SYNE1: variants seen among roughly 807,000 people sequenced by gnomAD.
SYNE1 encodes nesprin-1.
SYNE1 carries 616 observed loss-of-function variants against 1,111.0 expected under a neutral mutation model. That is an observed-to-expected ratio of 0.55 (90% CI 0.52 to 0.59). The LOEUF is 0.59. Among genes scored for constraint, SYNE1 ranks in the 20% least tolerant of loss-of-function variants. The pLI is 0.00. For missense variants in SYNE1, 10,006 were observed against 10,417.0 expected, an observed-to-expected ratio of 0.96 and a Z score of 1.72; for synonymous variants, 3,855 against 3,825.8, an observed-to-expected ratio of 1.01 and a Z score of -0.28.
chr6:152,141,337 G>T lies in SYNE1; in HGVS notation c.25120-8C>A, dbSNP rs748716174. On this transcript the variant is annotated splice_polypyrimidine_tract_variant and splice_region_variant and intron_variant, in intron 138 of 145. Transcript: ENST00000367255. The stretch of plus-strand genomic sequence containing the variant: ...TTCGCCCAGCAGTTTCATCTGTTTA[G>T]ACATAAACAACCGGCCCCTGTCACC... The T allele has an allele frequency of 1.2e-6, 2 of 1,613,468 alleles. No individual in the cohort carries two copies. The highest frequency in any genetic ancestry group is 1.7e-6 in the Non-Finnish European group (2 of 1,179,856).
chr6:152,596,339 C>A (rs1429893342), intron 3 of SYNE1, among the ~76,000 whole-genome samples: 2 of 149,648 alleles, frequency 1.3e-5, no homozygotes, highest in Non-Finnish European at 3.0e-5. Context: ...GAAACCTTCA[C>A]CTCCCAGAGG....
In SYNE1 at chr6:152,193,254, C is replaced by T. The variant is rs73003223; in HGVS notation, c.23146-3847G>A. Among the ~76,000 whole-genome samples, 1,394 of 152,010 alleles carry T rather than the reference C, an allele frequency of 9.2e-3. 24 individuals are homozygous for T. The highest frequency in any genetic ancestry group is 0.011 in the Non-Finnish European group (775 of 67,976). On this transcript the variant is annotated intron_variant, in intron 127 of 145. Transcript: ENST00000367255. ...TGAATGTTTTCAGACTTGAGGTTAC[C>T]ATGATGTTTTCAAATAATATCTTAA...
chr6:152,559,400 C>T (rs2128213409), intron 3 of SYNE1, among the ~76,000 whole-genome samples: 1 of 152,254 alleles, frequency 6.6e-6, no homozygotes, highest in Admixed American at 6.5e-5. Flanking sequence ...TGCTGTCTGG[C>T]CTCTTATCAT....
rs141934037 is a variant in SYNE1, at chr6:152,256,739, C to G, written c.18999G>C (p.Leu6333Phe). Residue 6333 changes from leucine (L) to phenylalanine (F), a missense_variant, in exon 102 of 146, where the codon TTG becomes TTC. Leu to Phe is a conservative substitution (Grantham distance 22). Around this residue, in one of 7 missense-constraint regions of SYNE1, gnomAD observed 2,182 missense variants for 2,287.8 expected, o/e 0.95. Coordinates refer to ENST00000367255, the MANE Select transcript of SYNE1 (RefSeq NM_182961.4). Reference sequence around the variant, plus strand: ...CCCCTTTGTACAGTGGCACACCAGACAAGAGTCGATTTGGCCTGCTATAAA... The same window carrying G: ...CCCCTTTGTACAGTGGCACACCAGAGAAGAGTCGATTTGGCCTGCTATAAA... ...QVLYSRPNRL[L>F]SGVPLYKGDV... 2.3e-4 allele frequency: 370 copies of G among 1,613,952 alleles called. No individual in the cohort carries two copies. Among genetic ancestry groups the G allele is most frequent in the Non-Finnish European group, 2.9e-4 (347 of 1,179,900 alleles).
chr6:152,341,114 T>C (rs1033745624), intron 74 of SYNE1, among the ~76,000 whole-genome samples: 4 of 152,166 alleles, frequency 2.6e-5, no homozygotes, highest in Admixed American at 2.6e-4. Flanking sequence ...CCTGTGGATA[T>C]AATAAACACA....
At chr6:152,269,402 G>C (rs2093014453) in intron 98 of SYNE1, 116 bp from the exon 99 acceptor site, 8 of 1,489,298 alleles carry the variant, frequency 5.4e-6, no homozygotes, top group South Asian at 3.4e-5. Flanking sequence ...GCTCCACTGG[G>C]ATGTGAAACC....
intron 123 of SYNE1, 70 bp downstream of exon 123, chr6:152,213,542 C>T (rs974746380): frequency 2.6e-6 from 4 of 1,539,692 alleles, no homozygotes; most frequent in South Asian, 1.1e-5. Flanking sequence ...TTCTCCCACA[C>T]AGCATTTCGT....
At position 152,362,171 on chromosome 6, in the gene SYNE1, T is replaced by A. The variant is rs773292856; in HGVS notation, c.10298A>T (p.Lys3433Met). 1 of 1,614,232 alleles carries A rather than the reference T, an allele frequency of 6.2e-7. No homozygotes were observed. Among genetic ancestry groups the A allele is most frequent in the Admixed American group, 1.7e-5 (1 of 60,028 alleles). Residue 3433 changes from lysine (K) to methionine (M), a missense_variant and splice_region_variant, in exon 64 of 146, where the codon AAG (lysine) becomes ATG (methionine). Physicochemically the swap from Lys to Met is moderately conservative, Grantham distance 95. Around this residue, in one of 7 missense-constraint regions of SYNE1, gnomAD observed 4,955 missense variants for 5,017.2 expected, o/e 0.99. Coordinates refer to ENST00000367255, the MANE Select transcript of SYNE1 (RefSeq NM_182961.4). ...RDKTTMLGKA[K>M]LLNEEVLSYS... Reference sequence around the variant, plus strand: ...TGGAATCTGAAATCCAGCTCTCACCTTGGCTTTTCCGAGCATCGTTGTTTT... The same window carrying A: ...TGGAATCTGAAATCCAGCTCTCACCATGGCTTTTCCGAGCATCGTTGTTTT...
At chr6:152,361,886 G>C (rs528163853) in intron 64 of SYNE1, among the ~76,000 whole-genome samples, 1 of 151,532 alleles carries the variant, frequency 6.6e-6, no homozygotes, top group African/African-American at 2.4e-5. Flanking sequence ...TGATGAGCAG[G>C]CTGAAGACAT....
chr6:152,210,448 C>T (rs1330086575), intron 124 of SYNE1, among the ~76,000 whole-genome samples: 3 of 152,074 alleles, frequency 2.0e-5, no homozygotes, highest in African/African-American at 7.2e-5. Flanking sequence ...CAGGAAAGCT[C>T]CCATTTAAGT....
chr6:152,336,529 G>C, intron 76 of SYNE1: 1 of 412,484 alleles, frequency 2.4e-6, no homozygotes, highest in African/African-American at 2.0e-5. Context: ...ATGCAACCTA[G>C]ATCCCTTGCA....
chr6:152,483,046 G>A (rs763663813), intron 14 of SYNE1, 39 bp downstream of exon 14: 2 of 1,612,758 alleles, frequency 1.2e-6, no homozygotes, highest in Admixed American at 1.7e-5. Flanking sequence ...ACCACAGTAG[G>A]GCTGTTATGC....
At chr6:152,409,757 A>C in intron 42 of SYNE1, 48 bp from the exon 43 acceptor site, 1 of 1,603,654 alleles carries the variant, frequency 6.2e-7, no homozygotes, top group South Asian at 1.1e-5. Context: ...GTATCAGGAA[A>C]AGGGAGAGTT....
chr6:152,398,752 T>A (rs746699240), intron 48 of SYNE1, 21 bp from the exon 49 acceptor site: 1 of 1,575,712 alleles, frequency 6.3e-7, no homozygotes, highest in Non-Finnish European at 8.7e-7. Flanking sequence ...AAAAAATAAA[T>A]AAATAAAAAT....
chr6:152,254,954 A>G lies in SYNE1; in HGVS notation c.19396T>C (p.Ser6466Pro). The G allele has an allele frequency of 2.5e-6, 4 of 1,614,054 alleles. No homozygotes were observed. The highest frequency in any genetic ancestry group is 3.4e-6 in the Non-Finnish European group (4 of 1,179,974). ...DTLGCLLGRLSLLDSVVNQRC... is the reference protein window; with the variant it reads ...DTLGCLLGRLPLLDSVVNQRC... ...TGATTCACTACTGAGTCTAGCAAGGATAACCTGCCCAAAAGACAACCCAAA... is the reference window on the plus strand; with the variant it reads ...TGATTCACTACTGAGTCTAGCAAGGGTAACCTGCCCAAAAGACAACCCAAA... The change falls in exon 104 of 146, where the codon TCC becomes CCC. Residue 6466 changes from serine to proline, a missense_variant. Around this residue, in one of 7 missense-constraint regions of SYNE1, gnomAD observed 2,182 missense variants for 2,287.8 expected, o/e 0.95. Transcript: ENST00000367255.
At chr6:152,383,255 A>G (rs1314253224) in intron 55 of SYNE1, among the ~76,000 whole-genome samples, 1 of 152,234 alleles carries the variant, frequency 6.6e-6, no homozygotes, top group Admixed American at 6.5e-5. Context: ...AATAAAAAAG[A>G]GTATTTGTCA....
chr6:152,163,147 T>C (rs2153012954), intron 131 of SYNE1, among the ~76,000 whole-genome samples: 1 of 152,302 alleles, frequency 6.6e-6, no homozygotes, highest in East Asian at 1.9e-4. Flanking sequence ...ACAATACCTC[T>C]AGCGGGGGAT....
intron 3 of SYNE1, among the ~76,000 whole-genome samples, chr6:152,543,323 T>TA (rs2099281980): frequency 6.6e-6 from 1 of 152,188 alleles, no homozygotes; most frequent in Non-Finnish European, 1.5e-5. Flanking sequence ...CGTAGTCAGC[T>TA]GAATTCTAGG....
rs1208514044 is a variant in SYNE1 at position 152,201,858 on chromosome 6, T to C, written c.23111A>G (p.His7704Arg). The change falls in exon 127 of 146, where the codon CAT (histidine) becomes CGT (arginine). Residue 7704 changes from histidine (H) to arginine (R), a missense_variant. Around this residue, in one of 7 missense-constraint regions of SYNE1, gnomAD observed 2,182 missense variants for 2,287.8 expected, o/e 0.95. Coordinates refer to ENST00000367255, the MANE Select transcript of SYNE1 (RefSeq NM_182961.4). The part of the protein sequence containing the change: ...KKLSQSLPDH[H>R]EELHAEQMRC... Reference sequence around the variant, plus strand: ...CATTTGTTCTGCATGGAGCTCTTCATGGTGATCCGGGAGAGACTGCGAAAG... The same window carrying C: ...CATTTGTTCTGCATGGAGCTCTTCACGGTGATCCGGGAGAGACTGCGAAAG... 1 of 1,613,974 alleles carries C rather than the reference T, an allele frequency of 6.2e-7. No homozygotes were observed. The highest frequency in any genetic ancestry group is 1.1e-5 in the South Asian group (1 of 91,078).
Sources: gnomAD v4.1 joint callset for allele counts (sites outside exome capture counted in the v4.1 genomes callset) on GRCh38, gnomAD v4.1.1 for gene constraint, gnomAD v4.1.1 regional missense constraint, MANE v1.5 for transcripts, NCBI Gene and HGNC (gene_info 2026-07-23, HGNC 2026-07-21) for gene names.